PLCB1: variants seen among roughly 807,000 people sequenced by gnomAD.
PLCB1 encodes the protein phospholipase C beta 1, also known as 1-phosphatidylinositol 4,5-bisphosphate phosphodiesterase beta-1.
Under a neutral mutation model 161.8 loss-of-function variants are expected in PLCB1, and 46 were observed. That is an observed-to-expected ratio of 0.28 (90% CI 0.22 to 0.36). PLCB1 has a LOEUF of 0.36. Among genes scored for constraint, PLCB1 ranks in the 10% least tolerant of loss-of-function variants. The pLI, the probability that PLCB1 is intolerant of heterozygous loss-of-function variation, is 1.00. For missense variants in PLCB1, 1,016 were observed against 1,472.5 expected (o/e 0.69, Z 5.07); for synonymous variants, 517 against 503.7 (o/e 1.03, Z -0.35).
At chr20:8,864,883 C>A (rs558991941) in intron 31 of PLCB1, among the ~76,000 whole-genome samples, 1 of 152,150 alleles carries the variant, frequency 6.6e-6, no homozygotes, top group Non-Finnish European at 1.5e-5. Flanking sequence ...TCTGAAGAAA[C>A]CCCCAAGTTT....
chr20:8,571,498 T>C (rs1986515828), intron 3 of PLCB1, among the ~76,000 whole-genome samples: 1 of 151,884 alleles, frequency 6.6e-6, no homozygotes. Flanking sequence ...AAATAATAAA[T>C]AAAAAATAAA....
At chr20:8,758,698 C>G in intron 24 of PLCB1, among the ~76,000 whole-genome samples, 1 of 152,098 alleles carries the variant, frequency 6.6e-6, no homozygotes, top group Admixed American at 6.5e-5. Flanking sequence ...TTGAATGCTT[C>G]TGAAATATAA....
chr20:8,765,711 A>C (rs910659496), intron 26 of PLCB1, among the ~76,000 whole-genome samples: 1 of 151,848 alleles, frequency 6.6e-6, no homozygotes, highest in Non-Finnish European at 1.5e-5. Flanking sequence ...TTTTTGAGAC[A>C]GAGTCTTGCC....
chr20:8,572,917 C>T (rs1363928279), intron 3 of PLCB1, among the ~76,000 whole-genome samples: 1 of 152,026 alleles, frequency 6.6e-6, no homozygotes, highest in Non-Finnish European at 1.5e-5. Context: ...GAGATGTAGG[C>T]TTGGGAATTA....
chr20:8,608,390 C>G (rs1401919823), intron 3 of PLCB1, among the ~76,000 whole-genome samples: 4 of 152,108 alleles, frequency 2.6e-5, no homozygotes, highest in African/African-American at 9.7e-5. Flanking sequence ...ACTCTCTTTA[C>G]TCAAGGACCT....
intron 12 of PLCB1, among the ~76,000 whole-genome samples, chr20:8,709,690 A>G (rs930907996): frequency 6.6e-6 from 1 of 152,180 alleles, no homozygotes; most frequent in African/African-American, 2.4e-5. Context: ...AACTTGAAGA[A>G]TTTCTAAGTA....
chr20:8,581,225 G>A (rs1986822710), intron 3 of PLCB1, among the ~76,000 whole-genome samples: 1 of 152,130 alleles, frequency 6.6e-6, no homozygotes, highest in Non-Finnish European at 1.5e-5. Context: ...CTAGGGCCTG[G>A]CACCTAGGAT....
chr20:8,715,130 C>T (rs1242944670), intron 12 of PLCB1, among the ~76,000 whole-genome samples: 3 of 152,108 alleles, frequency 2.0e-5, no homozygotes, highest in Non-Finnish European at 2.9e-5. Context: ...GTAGAGATAA[C>T]TATTGGAAAT....
chr20:8,549,621 A>G (rs1022263943), intron 3 of PLCB1, among the ~76,000 whole-genome samples: 1 of 152,128 alleles, frequency 6.6e-6, no homozygotes, highest in Non-Finnish European at 1.5e-5. Flanking sequence ...TTTGAGACAG[A>G]GTCTCCCCTG....
At chr20:8,182,089 A>G (rs542177622) in intron 2 of PLCB1, among the ~76,000 whole-genome samples, 1 of 152,352 alleles carries the variant, frequency 6.6e-6, no homozygotes, top group African/African-American at 2.4e-5. Context: ...CACAGGGGCA[A>G]TAGCGTTCAC....
intron 3 of PLCB1, among the ~76,000 whole-genome samples, chr20:8,381,039 T>C (rs968166163): frequency 6.6e-6 from 1 of 152,192 alleles, no homozygotes; most frequent in Non-Finnish European, 1.5e-5. Flanking sequence ...CAGAGAATGC[T>C]TCCAGTTTTT....
chr20:8,841,741 G>A (rs1466397522), intron 31 of PLCB1, among the ~76,000 whole-genome samples: 3 of 152,194 alleles, frequency 2.0e-5, no homozygotes, highest in African/African-American at 7.2e-5. Flanking sequence ...CACAGTTTCT[G>A]TTGGTTGTAT....
chr20:8,718,230 A>G (rs1170821736), intron 14 of PLCB1, among the ~76,000 whole-genome samples: 1 of 152,034 alleles, frequency 6.6e-6, no homozygotes, highest in Non-Finnish European at 1.5e-5. Flanking sequence ...AAAAAAAAAG[A>G]ATTTGCTGCT....
At chr20:8,727,168 T>C in intron 16 of PLCB1, 141 bp from the exon 17 acceptor site, 1 of 547,080 alleles carries the variant, frequency 1.8e-6, no homozygotes. Flanking sequence ...GAAAAAAAAA[T>C]TAAATATTGA....
At chr20:8,581,173 T>C (rs1457069754) in intron 3 of PLCB1, among the ~76,000 whole-genome samples, 1 of 152,158 alleles carries the variant, frequency 6.6e-6, no homozygotes, top group Non-Finnish European at 1.5e-5. Flanking sequence ...TCTCTGAGGG[T>C]AGGAATTCTA....
At chr20:8,335,636 C>T (rs1985544991) in intron 2 of PLCB1, among the ~76,000 whole-genome samples, 1 of 152,106 alleles carries the variant, frequency 6.6e-6, no homozygotes, top group South Asian at 2.1e-4. Flanking sequence ...GCTTGGTGCT[C>T]CTGCAATGTC....
intron 2 of PLCB1, among the ~76,000 whole-genome samples, chr20:8,257,876 C>T (rs1320934349): frequency 6.6e-6 from 1 of 152,050 alleles, no homozygotes; most frequent in Non-Finnish European, 1.5e-5. Flanking sequence ...TGGATGAATA[C>T]CCCCCGACCA....
chr20:8,378,950 T>G (rs139852197), intron 3 of PLCB1, among the ~76,000 whole-genome samples: 5 of 152,294 alleles, frequency 3.3e-5, no homozygotes, highest in African/African-American at 1.2e-4. Context: ...TTTTATTTAT[T>G]TATTTTTACT....
chr20:8,200,011 A>G (rs1470437553), intron 2 of PLCB1, among the ~76,000 whole-genome samples: 1 of 152,132 alleles, frequency 6.6e-6, no homozygotes, highest in Non-Finnish European at 1.5e-5. Context: ...AATTACCTTT[A>G]GAGTTCTTGT....
Sources: allele counts gnomAD v4.1 joint callset (sites outside exome capture counted in the v4.1 genomes callset), GRCh38; gene constraint gnomAD v4.1.1; transcripts MANE v1.5; gene names NCBI Gene and HGNC (gene_info 2026-07-23, HGNC 2026-07-21).